Variants in DTNBP1 observed in about 807,000 individuals in gnomAD.
DTNBP1 encodes dystrobrevin binding protein 1.
In DTNBP1, 35 loss-of-function variants were observed where a neutral mutation model predicts 42.8. That is an observed-to-expected ratio of 0.82 (90% CI 0.63 to 1.09). DTNBP1 has a LOEUF of 1.09. Ranked by LOEUF, DTNBP1 falls within the 50% of genes least tolerant of loss-of-function variation. DTNBP1 has a pLI of 0.00. For synonymous variants in DTNBP1, 171 were observed against 162.2 expected, an observed-to-expected ratio of 1.05 and a Z score of -0.41; for missense variants, 457 against 424.2, an observed-to-expected ratio of 1.08 and a Z score of -0.68.
At chr6:15,654,165 A>G (rs1761161135) in intron 1 of DTNBP1, among the ~76,000 whole-genome samples, 1 of 152,256 alleles carries the variant, frequency 6.6e-6, no homozygotes. Context: ...CTTTAATACA[A>G]AAGTAATTAG....
At chr6:15,551,270 A>C (rs1323398982) in intron 7 of DTNBP1, among the ~76,000 whole-genome samples, 1 of 152,154 alleles carries the variant, frequency 6.6e-6, no homozygotes, top group African/African-American at 2.4e-5. Flanking sequence ...TGCAAAAGAC[A>C]AGTATGAGAT....
chr6:15,576,268 A>C (rs977936766), intron 7 of DTNBP1, among the ~76,000 whole-genome samples: 7 of 151,698 alleles, frequency 4.6e-5, no homozygotes, highest in Non-Finnish European at 1.0e-4. Context: ...ACAGGCACGT[A>C]CCACCACGCC....
intron 7 of DTNBP1, among the ~76,000 whole-genome samples, chr6:15,563,991 T>C (rs975853086): frequency 6.6e-6 from 1 of 151,678 alleles, no homozygotes; most frequent in African/African-American, 2.4e-5. Context: ...GGAGAATCAC[T>C]TGAACTTGGG....
intron 6 of DTNBP1, among the ~76,000 whole-genome samples, chr6:15,602,417 T>A (rs1030784884): frequency 6.6e-6 from 1 of 152,152 alleles, no homozygotes; most frequent in East Asian, 1.9e-4. Flanking sequence ...AGCTCTCATA[T>A]CCGTCAAGAA....
intron 6 of DTNBP1, among the ~76,000 whole-genome samples, chr6:15,604,116 A>C (rs1369102473): frequency 6.6e-6 from 1 of 152,114 alleles, no homozygotes; most frequent in Non-Finnish European, 1.5e-5. Context: ...GGCTCACCTC[A>C]CTTGTTTCCT....
intron 3 of DTNBP1, among the ~76,000 whole-genome samples, chr6:15,648,943 CTT>C (rs1380253740): frequency 6.6e-6 from 1 of 151,868 alleles, no homozygotes; most frequent in Admixed American, 6.6e-5. Context: ...AAGAAAAACT[CTT>C]AGAAGAAAAC....
chr6:15,635,064 T>C (rs1759930090), intron 4 of DTNBP1, among the ~76,000 whole-genome samples: 2 of 152,222 alleles, frequency 1.3e-5, no homozygotes, highest in South Asian at 2.1e-4. Context: ...CTCATTCATT[T>C]ATAAGTGATC....
chr6:15,609,554 C>T (rs972394920), intron 6 of DTNBP1, among the ~76,000 whole-genome samples: 2 of 152,142 alleles, frequency 1.3e-5, no homozygotes, highest in African/African-American at 4.8e-5. Flanking sequence ...CTCCTGACCT[C>T]GTGTTCCACC....
chr6:15,567,146 T>C (rs1417929067), intron 7 of DTNBP1, among the ~76,000 whole-genome samples: 2 of 152,128 alleles, frequency 1.3e-5, no homozygotes, highest in African/African-American at 4.8e-5. Flanking sequence ...AGTCTTCATC[T>C]AAACACTAAG....
chr6:15,616,792 GAAAT>G (rs1480373382), intron 5 of DTNBP1, among the ~76,000 whole-genome samples: 5 of 152,084 alleles, frequency 3.3e-5, no homozygotes, highest in Admixed American at 6.6e-5. Context: ...GCACAAGAAA[GAAAT>G]AAAGACATCC....
rs1315969413 is a variant in DTNBP1, at chr6:15,596,815, AT to A, written c.489-3735del. 2.6e-5 allele frequency among the ~76,000 whole-genome samples: 4 copies of A among 152,266 alleles called. No individual in the cohort carries two copies. In the East Asian group the frequency reaches 7.7e-4, roughly 29 times the overall value. The stretch of plus-strand genomic sequence containing the variant: ...CAAAAGTGGAGTAGGCTACTCAAAC[AT>A]TTGCAAGACAGCCTGTTCTTCTCCA... On this transcript the variant is annotated intron_variant, in intron 6 of 9. Transcript: ENST00000344537.
At position 15,523,726 on chromosome 6, in the gene DTNBP1, C is replaced by T. The variant is rs755254684; in HGVS notation, c.812-507G>A. The stretch of plus-strand genomic sequence containing the variant: ...ACTGTTTCTAAATCTTCCCCTGACT[C>T]TGGGTGAGGGTTCACGCTGGTCTCC... On this transcript the variant is annotated intron_variant, in intron 9 of 9. Transcript: ENST00000344537. 9 of 1,287,272 alleles carry T rather than the reference C, an allele frequency of 7.0e-6. No homozygotes were observed. In the South Asian group the frequency reaches 9.9e-5, roughly 14 times the overall value. The allele number at this position is 1,287,272 out of a possible 1,614,324, so 79.7% of individuals were successfully genotyped here.
chr6:15,581,716 G>T (rs911327309), intron 7 of DTNBP1, among the ~76,000 whole-genome samples: 1 of 151,690 alleles, frequency 6.6e-6, no homozygotes, highest in Non-Finnish European at 1.5e-5. Flanking sequence ...GACCTCAGGT[G>T]ATCCACCTGC....
rs995041467 is a variant in DTNBP1, at chr6:15,522,827, T to C, written c.*148A>G. On this transcript the variant is annotated 3_prime_UTR_variant, in exon 10 of 10. Coordinates refer to ENST00000344537, the MANE Select transcript of DTNBP1 (RefSeq NM_032122.5). ...CTCAGTTTACCGTCCTCACACTTTA[T>C]TGTTAGCTGTTCTTTAAGTTTCTCA... The C allele has an allele frequency of 7.2e-7, 1 of 1,391,678 alleles. No individual in the cohort carries two copies. The highest frequency in any genetic ancestry group is 1.7e-5 in the Admixed American group (1 of 57,176). 86.2% of individuals were successfully genotyped at this position (1,391,678 alleles called of 1,614,324 possible).
chr6:15,555,561 A>G (rs2113444210), intron 7 of DTNBP1, among the ~76,000 whole-genome samples: 1 of 152,322 alleles, frequency 6.6e-6, no homozygotes, highest in East Asian at 1.9e-4. Context: ...ACTGCTCATT[A>G]TACACTAGTT....
chr6:15,646,457 G>T (rs1353413835), intron 3 of DTNBP1, among the ~76,000 whole-genome samples: 1 of 151,586 alleles, frequency 6.6e-6, no homozygotes, highest in African/African-American at 2.4e-5. Flanking sequence ...GCAATCTACA[G>T]ATTCAGTGCA....
chr6:15,636,684 C>T (rs1760045961), intron 4 of DTNBP1, among the ~76,000 whole-genome samples: 1 of 152,158 alleles, frequency 6.6e-6, no homozygotes, highest in Admixed American at 6.5e-5. Flanking sequence ...GTCCAAAGAG[C>T]TTTATCAAAA....
chr6:15,552,201 G>A (rs969999908), intron 7 of DTNBP1, among the ~76,000 whole-genome samples: 4 of 152,150 alleles, frequency 2.6e-5, no homozygotes, highest in Admixed American at 1.3e-4. Flanking sequence ...CAAGGGCTAT[G>A]GAAAAGCTGG....
At chr6:15,586,568 C>T (rs550088796) in intron 7 of DTNBP1, among the ~76,000 whole-genome samples, 1 of 152,178 alleles carries the variant, frequency 6.6e-6, no homozygotes, top group African/African-American at 2.4e-5. Context: ...TAACTCTCTC[C>T]TCTAACTATT....
Sources: gnomAD v4.1 joint callset for allele counts (sites outside exome capture counted in the v4.1 genomes callset) on GRCh38, gnomAD v4.1.1 for gene constraint, MANE v1.5 for transcripts, NCBI Gene and HGNC (gene_info 2026-07-23, HGNC 2026-07-21) for gene names.